Variants in IGSF10 observed in about 807,000 individuals in gnomAD.
IGSF10 encodes the protein immunoglobulin superfamily member 10, also known as calvaria mechanical force protein 608.
IGSF10 carries 126 observed loss-of-function variants against 128.2 expected under a neutral mutation model. That is an observed-to-expected ratio of 0.98 (90% confidence interval 0.85 to 1.14). The LOEUF (loss-of-function observed/expected upper bound fraction) is 1.14, where lower values mean the gene tolerates loss of function less well. IGSF10 is among the 50% of genes most tolerant of loss of function. The pLI is 0.00. For synonymous variants in IGSF10, 1,185 were observed against 1,146.2 expected (o/e 1.03, Z -0.68); for missense variants, 3,295 against 3,149.8 (o/e 1.05, Z -1.10).
the IGSF10 span, among the ~76,000 whole-genome samples, chr3:151,476,941 T>G: frequency 3.3e-5 from 5 of 152,178 alleles, no homozygotes; most frequent in African/African-American, 1.2e-4. Context: ...TGTCAGCCAC[T>G]GGGAAGAGGA....
the IGSF10 span, among the ~76,000 whole-genome samples, chr3:151,498,113 CTG>C: frequency 6.6e-6 from 1 of 152,202 alleles, no homozygotes; most frequent in Non-Finnish European, 1.5e-5. Flanking sequence ...ATCATGTCAT[CTG>C]TAAACAGGGA....
In IGSF10 at chr3:151,453,651, A is replaced by C. The variant is rs7619322; in HGVS notation, c.448T>G (p.Tyr150Asp). The stretch of plus-strand genomic sequence containing the variant: ...ACCAGGCGGAGAAAGTTGAGCCCAT[A>C]AAAAACCTCTGGGTTTATAAACTCA... ...NIEFINPEVF[Y>D]GLNFLRLVHL... Residue 150 changes from tyrosine to aspartate, a missense_variant, in exon 5 of 8, where the codon TAT becomes GAT. By Grantham distance (160) the Tyr-to-Asp change is radical. Coordinates refer to ENST00000282466, the MANE Select transcript of IGSF10 (RefSeq NM_178822.5). 1,157,920 of 1,612,830 alleles carry C rather than the reference A, an allele frequency of 0.72. 416,931 individuals carry two copies. The highest frequency in any genetic ancestry group is 0.83 in the Middle Eastern group (5,025 of 6,062).
At chr3:151,478,286 G>C in the IGSF10 span, among the ~76,000 whole-genome samples, 1 of 152,220 alleles carries the variant, frequency 6.6e-6, no homozygotes, top group African/African-American at 2.4e-5. Flanking sequence ...TTGTCATGGA[G>C]ACATTATCTG....
At chr3:151,435,768 A>C (rs1720094225), downstream of IGSF10, 2 of 152,226 alleles carry the variant, frequency 1.3e-5, no homozygotes, top group Admixed American at 1.3e-4. Context: ...AATTCAGTGA[A>C]TTACAAAAAC....
At chr3:151,616,525 A>G in the IGSF10 span, among the ~76,000 whole-genome samples, 3 of 152,202 alleles carry the variant, frequency 2.0e-5, no homozygotes, top group Non-Finnish European at 4.4e-5. Context: ...CACACTTCCA[A>G]AATAAATACT....
At chr3:151,505,414 C>T in the IGSF10 span, among the ~76,000 whole-genome samples, 1 of 152,128 alleles carries the variant, frequency 6.6e-6, no homozygotes, top group Non-Finnish European at 1.5e-5. Context: ...AGGTCCCTCC[C>T]ATCACAAGTG....
At chr3:151,507,408 A>C in the IGSF10 span, among the ~76,000 whole-genome samples, 1 of 152,228 alleles carries the variant, frequency 6.6e-6, no homozygotes, top group Non-Finnish European at 1.5e-5. Flanking sequence ...TATTAAATTA[A>C]GTAGATAATC....
chr3:151,560,704 C>G, the IGSF10 span, among the ~76,000 whole-genome samples: 5 of 151,132 alleles, frequency 3.3e-5, no homozygotes, highest in Non-Finnish European at 2.9e-5. Context: ...TTGCCATAGC[C>G]CCCCCCTCCG....
chr3:151,578,534 C>T, the IGSF10 span, among the ~76,000 whole-genome samples: 1 of 152,198 alleles, frequency 6.6e-6, no homozygotes, highest in South Asian at 2.1e-4. Flanking sequence ...GCAGGCTCTT[C>T]TCTATGGACC....
chr3:151,448,544 G>A lies in IGSF10; in HGVS notation c.1437C>T (p.Asn479=). 6.2e-7 allele frequency: 1 copy of A among 1,614,186 alleles called. No homozygotes were observed. The highest frequency in any genetic ancestry group is 8.5e-7 in the Non-Finnish European group (1 of 1,180,032). The change falls in exon 6 of 8, where the codon AAC becomes AAT. Residue 479 remains asparagine, a synonymous_variant. Transcript: ENST00000282466. ...AGACAGTATGTTCCAGCTTAGTATT[G>A]TTATCCCTTGAAATCATAGTCCATT... ...KHKWTMISRD[N]NTKLEHTVLV...
At chr3:151,593,165 C>T in the IGSF10 span, among the ~76,000 whole-genome samples, 1 of 152,162 alleles carries the variant, frequency 6.6e-6, no homozygotes, top group East Asian at 1.9e-4. Flanking sequence ...GGTGCTCGCG[C>T]TGACATCCAG....
At chr3:151,472,029 T>C in the IGSF10 span, among the ~76,000 whole-genome samples, 4 of 152,290 alleles carry the variant, frequency 2.6e-5, no homozygotes, top group Non-Finnish European at 4.4e-5. Flanking sequence ...GAAGCTTCCA[T>C]TGTTGAAAGC....
the IGSF10 span, among the ~76,000 whole-genome samples, chr3:151,571,025 G>A: frequency 6.6e-6 from 1 of 152,156 alleles, no homozygotes; most frequent in Non-Finnish European, 1.5e-5. Context: ...TGTCAGGTTT[G>A]TCAATGATCA....
upstream of IGSF10, among the ~76,000 whole-genome samples, chr3:151,462,144 CAT>C (rs1162226020): frequency 1.3e-5 from 2 of 152,140 alleles, no homozygotes; most frequent in Non-Finnish European, 2.9e-5. Context: ...TCCCAATACT[CAT>C]AAACACTGAG....
chr3:151,550,156 A>G, the IGSF10 span, among the ~76,000 whole-genome samples: 3 of 152,146 alleles, frequency 2.0e-5, no homozygotes, highest in Non-Finnish European at 4.4e-5. Flanking sequence ...GACTCTGCTA[A>G]TAGTAAGAGA....
At chr3:151,576,637 T>C in the IGSF10 span, among the ~76,000 whole-genome samples, 1 of 152,124 alleles carries the variant, frequency 6.6e-6, no homozygotes, top group Non-Finnish European at 1.5e-5. Flanking sequence ...CTTCCCCAAA[T>C]CAAAATGACT....
At chr3:151,559,884 G>A in the IGSF10 span, among the ~76,000 whole-genome samples, 1 of 152,254 alleles carries the variant, frequency 6.6e-6, no homozygotes, top group South Asian at 2.1e-4. Context: ...GATGAAGACA[G>A]CCTGGTATCT....
chr3:151,617,863 G>A, the IGSF10 span, among the ~76,000 whole-genome samples: 1 of 152,176 alleles, frequency 6.6e-6, no homozygotes, highest in Non-Finnish European at 1.5e-5. Flanking sequence ...TATCATGGGA[G>A]AGGGTTAGTT....
chr3:151,578,610 C>G, the IGSF10 span, among the ~76,000 whole-genome samples: 57 of 152,250 alleles, frequency 3.7e-4, no homozygotes, highest in African/African-American at 1.3e-3. Flanking sequence ...CTTTGCAATG[C>G]GATACTGAGT....
Sources: allele counts gnomAD v4.1 joint callset (sites outside exome capture counted in the v4.1 genomes callset), GRCh38; gene constraint gnomAD v4.1.1; transcripts MANE v1.5; gene names NCBI Gene and HGNC (gene_info 2026-07-23, HGNC 2026-07-21).